DNAH11: variants seen among roughly 807,000 people sequenced by gnomAD.
The protein encoded by DNAH11 is dynein axonemal heavy chain 11.
DNAH11 carries 442 observed loss-of-function variants against 526.0 expected under a neutral mutation model. The ratio of observed to expected loss-of-function variants is 0.84; its 90% CI spans 0.78 to 0.91. The LOEUF is 0.91. Among genes scored for constraint, DNAH11 ranks in the 40% least tolerant of loss-of-function variants. DNAH11 has a pLI of 0.00. For synonymous variants in DNAH11, 2,461 were observed against 1,935.9 expected (o/e 1.27, Z -7.12); for missense variants, 6,989 against 5,448.7 (o/e 1.28, Z -8.90).
chr7:21,591,959 C>G (rs889372411), intron 14 of DNAH11, among the ~76,000 whole-genome samples: 22 of 152,146 alleles, frequency 1.4e-4, no homozygotes, highest in African/African-American at 5.3e-4. Context: ...CAACCATCTC[C>G]TAAGGGTGGC....
At chr7:21,831,016 C>T (rs1790529466) in intron 65 of DNAH11, among the ~76,000 whole-genome samples, 1 of 152,180 alleles carries the variant, frequency 6.6e-6, no homozygotes, top group Admixed American at 6.5e-5. Flanking sequence ...GGGAGCAGCC[C>T]CGTGCCAGAT....
intron 57 of DNAH11, among the ~76,000 whole-genome samples, chr7:21,781,297 G>A (rs1016533427): frequency 1.3e-5 from 2 of 152,156 alleles, no homozygotes; most frequent in South Asian, 2.1e-4. Context: ...ATGTCTTGCC[G>A]TGAACCTTGA....
At chr7:21,733,452 T>G (rs117553770) in intron 45 of DNAH11, among the ~76,000 whole-genome samples, 1 of 152,186 alleles carries the variant, frequency 6.6e-6, no homozygotes, top group Non-Finnish European at 1.5e-5. Context: ...CTCCACTTTA[T>G]GTATTTGGAA....
intron 73 of DNAH11, among the ~76,000 whole-genome samples, chr7:21,870,502 GAA>G (rs1783457141): frequency 6.6e-6 from 1 of 151,944 alleles, no homozygotes; most frequent in East Asian, 1.9e-4. Flanking sequence ...CTTTTTCAGA[GAA>G]AACAGTTGAC....
intron 43 of DNAH11, among the ~76,000 whole-genome samples, chr7:21,719,659 G>T (rs1345793420): frequency 1.3e-5 from 2 of 152,142 alleles, no homozygotes; most frequent in Non-Finnish European, 2.9e-5. Flanking sequence ...GGCACAACAT[G>T]AAATAATAGA....
chr7:21,643,224 G>A (rs552626708), intron 28 of DNAH11, among the ~76,000 whole-genome samples: 1 of 152,158 alleles, frequency 6.6e-6, no homozygotes, highest in East Asian at 1.9e-4. Flanking sequence ...AACTGAACTA[G>A]TATAGTTGTT....
At position 21,581,977 on chromosome 7, in the gene DNAH11, T is replaced by G. The variant is rs1784324842; in HGVS notation, c.1666T>G (p.Cys556Gly). 4 of 1,613,416 alleles carry G rather than the reference T, an allele frequency of 2.5e-6. No homozygotes were observed. The highest frequency in any genetic ancestry group is 3.4e-6 in the Non-Finnish European group (4 of 1,179,502). ...EFDRRLGTII[C>G]EAFFNCNGLE... ...TGACAGAAGGCTTGGGACAATTATT[T>G]GTGAAGCTTTCTTTAACTGCAATGG... is the stretch of plus-strand genomic sequence containing the variant. Residue 556 changes from cysteine (C) to glycine (G), a missense_variant, in exon 9 of 82, where the codon TGT becomes GGT. Transcript: ENST00000409508.
At chr7:21,631,336 T>A (rs1786597249) in intron 25 of DNAH11, among the ~76,000 whole-genome samples, 1 of 152,130 alleles carries the variant, frequency 6.6e-6, no homozygotes, top group South Asian at 2.1e-4. Flanking sequence ...CCAAATCATG[T>A]CCTCACATTT....
intron 63 of DNAH11, among the ~76,000 whole-genome samples, chr7:21,811,397 A>C (rs576915434): frequency 6.6e-6 from 1 of 151,844 alleles, no homozygotes; most frequent in Non-Finnish European, 1.5e-5. Context: ...CGGAAGTTGC[A>C]GTGAGCCGAG....
intron 28 of DNAH11, among the ~76,000 whole-genome samples, chr7:21,651,510 G>A (rs549780844): frequency 7.2e-5 from 11 of 152,234 alleles, no homozygotes; most frequent in African/African-American, 2.2e-4. Flanking sequence ...TTATAGGCGC[G>A]TGCCACTTTT....
At chr7:21,829,984 T>G (rs554781211) in intron 65 of DNAH11, among the ~76,000 whole-genome samples, 2 of 152,224 alleles carry the variant, frequency 1.3e-5, no homozygotes, top group Non-Finnish European at 2.9e-5. Context: ...GTAACGACTT[T>G]CCGTGATTTG....
In DNAH11 at chr7:21,826,477, A is replaced by T. The variant is rs1019316972; in HGVS notation, c.10691+8138A>T. On this transcript the variant is annotated intron_variant, in intron 65 of 81. Transcript: ENST00000409508. ...TATTCATTTAATAATAGAGCTACTG[A>T]TTTGCAGTGTTATAACAAGAACAGA... 3.9e-5 allele frequency among the ~76,000 whole-genome samples: 6 copies of T among 152,192 alleles called. No homozygotes were observed. The South Asian group carries it at 1.2e-3, about 32-fold the overall frequency.
At chr7:21,861,257 C>T (rs1374989586) in intron 68 of DNAH11, among the ~76,000 whole-genome samples, 1 of 152,202 alleles carries the variant, frequency 6.6e-6, no homozygotes, top group South Asian at 2.1e-4. Context: ...TCTTGTTCCT[C>T]TTTGGGAGCT....
At chr7:21,832,851 T>C (rs1446138759) in intron 65 of DNAH11, among the ~76,000 whole-genome samples, 1 of 152,154 alleles carries the variant, frequency 6.6e-6, no homozygotes, top group African/African-American at 2.4e-5. Flanking sequence ...GCCTAAAATA[T>C]TTACTCTCTG....
In DNAH11 at chr7:21,619,092, C is replaced by T. The variant is rs2128453713; in HGVS notation, c.4255-8C>T. On this transcript the variant is annotated splice_region_variant and splice_polypyrimidine_tract_variant and intron_variant, in intron 23 of 81. Coordinates refer to ENST00000409508, the MANE Select transcript of DNAH11 (RefSeq NM_001277115.2). ...AATATAAAGTCTAACTTTTTTTCCC[C>T]CAATCAGGTCAAGTTTTTAATAAAT... 1.2e-6 allele frequency: 2 copies of T among 1,612,574 alleles called. No individual in the cohort carries two copies. Among genetic ancestry groups the T allele is most frequent in the Non-Finnish European group, 8.5e-7 (1 of 1,179,312 alleles).
rs1459657611 is a variant in DNAH11 at position 21,561,180 on chromosome 7, T to G, written c.982+10T>G. 1 of 1,563,836 alleles carries G rather than the reference T, an allele frequency of 6.4e-7. No individual in the cohort carries two copies. Among genetic ancestry groups the G allele is most frequent in the South Asian group, 1.2e-5 (1 of 85,784 alleles). ...CTGGCTGTGGAAAATGGTAAGACTCTTGTTCCTCAGCCTGGCATCAATATC... is the reference window on the plus strand; with the variant it reads ...CTGGCTGTGGAAAATGGTAAGACTCGTGTTCCTCAGCCTGGCATCAATATC... On this transcript the variant is annotated intron_variant, in intron 5 of 81. Coordinates refer to ENST00000409508, the MANE Select transcript of DNAH11 (RefSeq NM_001277115.2).
rs889479927 is a variant in DNAH11, at chr7:21,619,040, G to A, written c.4255-60G>A. 4 of 1,605,228 alleles carry A rather than the reference G, an allele frequency of 2.5e-6. No homozygotes were observed. The African/African-American group carries it at 5.4e-5, about 21-fold the overall frequency. On this transcript the variant is annotated intron_variant, in intron 23 of 81. Transcript: ENST00000409508. ...TTAAGATTCATTTCACCAGCCTTTA[G>A]GCAAAAGGAACCGTTCATATATGTG...
rs756345487 is a variant in DNAH11 at position 21,570,216 on chromosome 7, A to G, written c.1342A>G (p.Arg448Gly). ...RKKLASYFMGRKLRPWDFQSH... is the reference protein window; with the variant it reads ...RKKLASYFMGGKLRPWDFQSH... Reference sequence around the variant, plus strand: ...AAAATTGGCAAGCTACTTTATGGGAAGAAAGCTGAGACCATGGGATTTCCA... The same window carrying G: ...AAAATTGGCAAGCTACTTTATGGGAGGAAAGCTGAGACCATGGGATTTCCA... The change falls in exon 7 of 82, where the codon AGA (arginine) becomes GGA (glycine). Residue 448 changes from arginine (R) to glycine (G), a missense_variant. Arg to Gly is a moderately radical substitution (Grantham distance 125). Coordinates refer to ENST00000409508, the MANE Select transcript of DNAH11 (RefSeq NM_001277115.2). 9 of 1,613,482 alleles carry G rather than the reference A, an allele frequency of 5.6e-6. No individual in the cohort carries two copies. The highest frequency in any genetic ancestry group is 1.7e-4 in the Middle Eastern group (1 of 6,060).
At chr7:21,816,080 C>T (rs76737940) in intron 63 of DNAH11, among the ~76,000 whole-genome samples, 2,715 of 152,106 alleles carry the variant, frequency 0.018, 69 homozygotes, top group African/African-American at 0.057. Flanking sequence ...GAGCAAGATA[C>T]TGAATTTTAG....
Sources: gnomAD v4.1 joint callset for allele counts (sites outside exome capture counted in the v4.1 genomes callset) on GRCh38, gnomAD v4.1.1 for gene constraint, MANE v1.5 for transcripts, NCBI Gene and HGNC (gene_info 2026-07-23, HGNC 2026-07-21) for gene names.